Variants in PAPPA2 observed in about 807,000 individuals in gnomAD.
PAPPA2 encodes pappalysin 2.
In PAPPA2, 86 loss-of-function variants were observed where a neutral mutation model predicts 176.4. The observed-to-expected ratio is 0.49, with a 90% CI of 0.41 to 0.58. PAPPA2 has a LOEUF of 0.58. PAPPA2 is among the 20% of genes least tolerant of loss of function. The probability of loss-of-function intolerance (pLI) is 0.00; values close to 1 mark genes in which losing one functional copy is unlikely to be tolerated. For missense variants in PAPPA2, 2,073 were observed against 2,256.9 expected (o/e 0.92, Z 1.65); for synonymous variants, 809 against 852.2 (o/e 0.95, Z 0.88).
intron 1 of PAPPA2, among the ~76,000 whole-genome samples, chr1:176,476,607 C>T (rs1446888049): frequency 6.6e-6 from 1 of 152,198 alleles, no homozygotes; most frequent in Non-Finnish European, 1.5e-5. Flanking sequence ...AATACAATTG[C>T]TCTAGATTGC....
chr1:176,672,468 A>T (rs1429928084), intron 4 of PAPPA2, among the ~76,000 whole-genome samples: 2 of 152,196 alleles, frequency 1.3e-5, no homozygotes, highest in African/African-American at 4.8e-5. Flanking sequence ...AGTGAAGTCT[A>T]GAACATATCG....
chr1:176,690,424 T>G lies in PAPPA2; in HGVS notation c.2425T>G (p.Tyr809Asp). 1 of 1,613,950 alleles carries G rather than the reference T, an allele frequency of 6.2e-7. No individual in the cohort carries two copies. The highest frequency in any genetic ancestry group is 8.5e-7 in the Non-Finnish European group (1 of 1,179,822). The change falls in exon 5 of 23, where the codon TAC (tyrosine) becomes GAC (aspartate). Residue 809 changes from tyrosine to aspartate, a missense_variant. Tyr to Asp is a radical substitution (Grantham distance 160, BLOSUM62 -3). This residue lies in a region of PAPPA2 where 1,196 missense variants were observed against 1,330.4 expected (regional missense o/e 0.90). Coordinates refer to ENST00000367662, the MANE Select transcript of PAPPA2 (RefSeq NM_020318.3). ...PGAPFTNYMS[Y>D]TDDNCTDNFT... ...GGCTCCGTTCACCAACTACATGAGC[T>G]ACACGGGTATCACCACTGTCTTGTT...
At chr1:176,655,043 A>G (rs1657951982) in intron 3 of PAPPA2, among the ~76,000 whole-genome samples, 1 of 151,736 alleles carries the variant, frequency 6.6e-6, no homozygotes, top group African/African-American at 2.4e-5. Flanking sequence ...CTTCTTTTCT[A>G]ATTTAGATGC....
Position 176,699,257 on chromosome 1 carries a change from G to C in PAPPA2, c.2904G>C (p.Leu968=), listed in dbSNP as rs747115735. 8.1e-6 allele frequency: 13 copies of C among 1,614,152 alleles called. No homozygotes were observed. The highest frequency in any genetic ancestry group is 1.1e-5 in the Non-Finnish European group (13 of 1,180,016). Residue 968 remains leucine, a synonymous_variant, in exon 8 of 23, where the codon CTG becomes CTC. Transcript: ENST00000367662. ...CGGTCCAAGCCGACACCCTCACCCT[G>C]TGGGTCACTTCCTTCTTCATGGAGT... ...QHPVQADTLT[L]WVTSFFMESS... is the part of the protein sequence containing the mutation.
chr1:176,467,350 T>C (rs897546501), intron 1 of PAPPA2, among the ~76,000 whole-genome samples: 1 of 152,252 alleles, frequency 6.6e-6, no homozygotes, highest in Non-Finnish European at 1.5e-5. Flanking sequence ...CTCCTCCTTT[T>C]CTTTTCAGTT....
chr1:176,719,969 C>G (rs191278014), intron 12 of PAPPA2, among the ~76,000 whole-genome samples: 107 of 152,314 alleles, frequency 7.0e-4, no homozygotes, highest in African/African-American at 2.5e-3. Context: ...GGTCACCCAT[C>G]ATTATTCACA....
At chr1:176,523,847 C>G (rs1213429253) in intron 1 of PAPPA2, among the ~76,000 whole-genome samples, 1 of 152,140 alleles carries the variant, frequency 6.6e-6, no homozygotes, top group African/African-American at 2.4e-5. Context: ...TGGCATAGTC[C>G]CTGTAGAATT....
At chr1:176,660,690 A>G (rs1658314790) in intron 3 of PAPPA2, among the ~76,000 whole-genome samples, 1 of 152,042 alleles carries the variant, frequency 6.6e-6, no homozygotes, top group Non-Finnish European at 1.5e-5. Context: ...TCAAGGACAC[A>G]CTCTCCAAAA....
Position 176,594,774 on chromosome 1 carries a change from C to T in PAPPA2, c.1170C>T (p.Asp390=). The T allele has an allele frequency of 6.2e-7, 1 of 1,614,236 alleles. No homozygotes were observed. Among genetic ancestry groups the T allele is most frequent in the Non-Finnish European group, 8.5e-7 (1 of 1,180,038 alleles). The change falls in exon 3 of 23, where the codon GAC becomes GAT. Residue 390 remains aspartate (D), a synonymous_variant. Coordinates refer to ENST00000367662, the MANE Select transcript of PAPPA2 (RefSeq NM_020318.3). Reference sequence around the variant, plus strand: ...GCACTCAGGTGGCTAGCAGTCTAGACCAGTCTGGTCCCCTGAACAGCCCCT... The same window carrying T: ...GCACTCAGGTGGCTAGCAGTCTAGATCAGTCTGGTCCCCTGAACAGCCCCT... ...VDGTQVASSL[D]QSGPLNSPFM...
rs1194709059 is a variant in PAPPA2 at position 176,699,425 on chromosome 1, C to A, written c.3072C>A (p.Thr1024=). 1.9e-6 allele frequency: 3 copies of A among 1,614,138 alleles called. No homozygotes were observed. In the Admixed American group the frequency reaches 5.0e-5, roughly 27 times the overall value. The change falls in exon 8 of 23, where the codon ACC becomes ACA. Residue 1024 remains threonine, a synonymous_variant. Transcript: ENST00000367662. ...DGKVSGVKVY[T]FDERIEIDAA... ...AGGTGTCGGGGGTGAAAGTCTACAC[C>A]TTTGATGAGAGGATAGAGATTGATG...
At chr1:176,724,975 A>C (rs893827291) in intron 12 of PAPPA2, among the ~76,000 whole-genome samples, 2 of 152,148 alleles carry the variant, frequency 1.3e-5, no homozygotes, top group African/African-American at 4.8e-5. Flanking sequence ...GGAAAAACTC[A>C]TGGTCCTTTC....
At chr1:176,747,043 G>A (rs77577193) in intron 14 of PAPPA2, among the ~76,000 whole-genome samples, 1 of 152,278 alleles carries the variant, frequency 6.6e-6, no homozygotes, top group East Asian at 1.9e-4. Context: ...TTTGGGATTA[G>A]CAAAAGTAAG....
chr1:176,695,704 C>T, intron 6 of PAPPA2, 34 bp from the exon 7 acceptor site: 1 of 1,611,670 alleles, frequency 6.2e-7, no homozygotes, highest in Non-Finnish European at 8.5e-7. Flanking sequence ...ATGGACTCTC[C>T]TCATCTCCCA....
intron 12 of PAPPA2, among the ~76,000 whole-genome samples, chr1:176,734,298 A>G (rs1176852189): frequency 6.6e-6 from 1 of 152,030 alleles, no homozygotes; most frequent in Non-Finnish European, 1.5e-5. Context: ...GACTTGACAA[A>G]TCATACATTG....
intron 3 of PAPPA2, among the ~76,000 whole-genome samples, chr1:176,619,202 G>A (rs777802845): frequency 6.6e-6 from 1 of 152,186 alleles, no homozygotes; most frequent in African/African-American, 2.4e-5. Context: ...TATCCCATTA[G>A]TACCATCTTT....
At chr1:176,840,059 C>T (rs941645433) in intron 21 of PAPPA2, 114 bp from the exon 22 acceptor site, 2 of 836,216 alleles carry the variant, frequency 2.4e-6, no homozygotes, top group African/African-American at 1.7e-5. Flanking sequence ...ACCTTGGGTG[C>T]TTTTCTGTAA....
intron 1 of PAPPA2, among the ~76,000 whole-genome samples, chr1:176,530,272 G>A (rs867017262): frequency 6.6e-6 from 1 of 152,166 alleles, no homozygotes; most frequent in African/African-American, 2.4e-5. Context: ...CTTGGGCTTT[G>A]ACCTTTGGCT....
intron 21 of PAPPA2, among the ~76,000 whole-genome samples, chr1:176,833,972 A>G (rs1667176581): frequency 6.6e-6 from 1 of 152,186 alleles, no homozygotes; most frequent in African/African-American, 2.4e-5. Flanking sequence ...TGATTCTCAT[A>G]AGGTAACATA....
intron 21 of PAPPA2, among the ~76,000 whole-genome samples, chr1:176,800,578 C>T (rs549713440): frequency 2.6e-5 from 4 of 152,264 alleles, no homozygotes; most frequent in African/African-American, 9.6e-5. Flanking sequence ...TATAACATTA[C>T]ACACATATGC....
Sources: allele counts gnomAD v4.1 joint callset (sites outside exome capture counted in the v4.1 genomes callset), GRCh38; gene constraint gnomAD v4.1.1; regional missense constraint gnomAD v4.1.1; transcripts MANE v1.5; gene names NCBI Gene and HGNC (gene_info 2026-07-23, HGNC 2026-07-21).